Variants in KCNK16 observed in about 807,000 individuals in gnomAD.
KCNK16 encodes the protein potassium channel subfamily K member 16.
In KCNK16, 23 loss-of-function variants were observed where a neutral mutation model predicts 23.0. The observed-to-expected ratio is 1.00, with a 90% confidence interval of 0.72 to 1.41. KCNK16 has a LOEUF of 1.41. Among genes scored for constraint, KCNK16 ranks in the 40% most tolerant of loss-of-function variants. The probability of loss-of-function intolerance (pLI) is 0.00; values close to 1 mark genes in which losing one functional copy is unlikely to be tolerated. For synonymous variants in KCNK16, 145 were observed against 153.5 expected (o/e 0.94, Z 0.41); for missense variants, 327 against 365.8 (o/e 0.89, Z 0.87).
At chr6:39,321,853 C>G (rs537597706) in intron 1 of KCNK16, among the ~76,000 whole-genome samples, 1 of 152,348 alleles carries the variant, frequency 6.6e-6, no homozygotes, top group East Asian at 1.9e-4. Context: ...TGGCATTTAT[C>G]TGTGTCTCCC....
Position 39,322,546 on chromosome 6 carries a change from G to A in KCNK16, c.-6C>T, listed in dbSNP as rs758317121. On this transcript the variant is annotated 5_prime_UTR_variant, in exon 1 of 5. Transcript: ENST00000437525. ...CAGAGCCCAGCACTGGGCATGCTGT[G>A]GCCAGGACCCTGCCAGGGCCGTGGG... 5 of 1,588,140 alleles carry A rather than the reference G, an allele frequency of 3.1e-6. No homozygotes were observed. The South Asian group carries it at 5.6e-5, about 18-fold the overall frequency.
chr6:39,318,243 C>T (rs1160141591), intron 2 of KCNK16, among the ~76,000 whole-genome samples: 1 of 152,144 alleles, frequency 6.6e-6, no homozygotes, highest in Admixed American at 6.5e-5. Flanking sequence ...ATGTAATTAT[C>T]GACTTTGTTT....
Position 39,317,785 on chromosome 6 carries a change from C to G in KCNK16, c.495+1G>C. On this transcript the variant is annotated splice_donor_variant, in intron 3 of 4. Transcript: ENST00000437525. LOFTEE classifies it high-confidence loss of function. ...GCCTGTAAGGGAGTTAGGGGGCATA[C>G]CTGGGAGCGCCTGGGACGGTCCTCC... The G allele has an allele frequency of 1.3e-6, 2 of 1,585,790 alleles. No homozygotes were observed. Among genetic ancestry groups the G allele is most frequent in the Non-Finnish European group, 8.6e-7 (1 of 1,166,096 alleles).
Position 39,317,780 on chromosome 6 carries a change from G to T in KCNK16, c.495+6C>A. The T allele has an allele frequency of 6.3e-7, 1 of 1,579,638 alleles. No homozygotes were observed. The highest frequency in any genetic ancestry group is 1.2e-5 in the South Asian group (1 of 85,918). The stretch of plus-strand genomic sequence containing the variant: ...AGCAGGCCTGTAAGGGAGTTAGGGG[G>T]CATACCTGGGAGCGCCTGGGACGGT... On this transcript the variant is annotated splice_donor_region_variant and intron_variant, in intron 3 of 4. Coordinates refer to ENST00000437525, the MANE Select transcript of KCNK16 (RefSeq NM_001135106.2).
intron 3 of KCNK16, 132 bp from the exon 4 acceptor site, chr6:39,317,079 T>C (rs544673830): frequency 4.6e-6 from 4 of 877,784 alleles, no homozygotes; most frequent in Non-Finnish European, 6.8e-6. Flanking sequence ...CTGCAGACCC[T>C]CGAGGTGGAG....
chr6:39,314,938 C>G (rs1242042684), downstream of KCNK16: 10 of 1,470,178 alleles, frequency 6.8e-6, no homozygotes, highest in South Asian at 1.1e-4. Context: ...TCTGAGAAGG[C>G]CCCCGAAATC....
chr6:39,315,540 G>T, downstream of KCNK16: 1 of 972,010 alleles, frequency 1.0e-6, no homozygotes, highest in Non-Finnish European at 1.5e-6. Context: ...GAGCTGGCGA[G>T]CTTTGAGAGG....
chr6:39,322,373 C>T lies in KCNK16; in HGVS notation c.168G>A (p.Glu56=). Residue 56 remains glutamate (E), a synonymous_variant, in exon 1 of 5, where the codon GAG becomes GAA. Coordinates refer to ENST00000437525, the MANE Select transcript of KCNK16 (RefSeq NM_001135106.2). Reference sequence around the variant, plus strand: ...CCCACTGGTCCAGGCAGGTGTAGTTCTCCAGGAAGCGCAGCTTCTCCAACT... The same window carrying T: ...CCCACTGGTCCAGGCAGGTGTAGTTTTCCAGGAAGCGCAGCTTCTCCAACT... ...QFQLEKLRFL[E]NYTCLDQWAM... 1 of 1,614,214 alleles carries T rather than the reference C, an allele frequency of 6.2e-7. No individual in the cohort carries two copies. Among genetic ancestry groups the T allele is most frequent in the East Asian group, 2.2e-5 (1 of 44,874 alleles).
intron 1 of KCNK16, among the ~76,000 whole-genome samples, chr6:39,321,895 G>T (rs964202096): frequency 5.9e-5 from 9 of 152,222 alleles, no homozygotes; most frequent in Non-Finnish European, 1.2e-4. Context: ...GATATGAGCT[G>T]GGAGAGGGCA....
chr6:39,322,547 G>C lies in KCNK16; in HGVS notation c.-7C>G. On this transcript the variant is annotated 5_prime_UTR_variant, in exon 1 of 5. Coordinates refer to ENST00000437525, the MANE Select transcript of KCNK16 (RefSeq NM_001135106.2). Reference sequence around the variant, plus strand: ...AGAGCCCAGCACTGGGCATGCTGTGGCCAGGACCCTGCCAGGGCCGTGGGG... The same window carrying C: ...AGAGCCCAGCACTGGGCATGCTGTGCCCAGGACCCTGCCAGGGCCGTGGGG... The C allele has an allele frequency of 1.9e-6, 3 of 1,587,586 alleles. No individual in the cohort carries two copies. The highest frequency in any genetic ancestry group is 2.6e-6 in the Non-Finnish European group (3 of 1,170,630).
downstream of KCNK16, chr6:39,315,209 C>G: frequency 6.2e-7 from 1 of 1,614,068 alleles, no homozygotes; most frequent in Admixed American, 1.7e-5. Flanking sequence ...TTTCCAGGCC[C>G]CGGGATGGAG....
rs979801168 is a variant in KCNK16 at position 39,319,746 on chromosome 6, A to T, written c.214-613T>A. Among the ~76,000 whole-genome samples the T allele has an allele frequency of 1.3e-5, 2 of 148,374 alleles. No individual in the cohort carries two copies. The highest frequency in any genetic ancestry group is 2.5e-5 in the African/African-American group (1 of 40,498). On this transcript the variant is annotated intron_variant, in intron 1 of 4. Coordinates refer to ENST00000437525, the MANE Select transcript of KCNK16 (RefSeq NM_001135106.2). The surrounding 1 kb of genome is among the most constrained non-coding windows in gnomAD (Gnocchi z 4.2). ...GGCCAAGACAAAGGTGGCACGTGTG[A>T]GTGTGTGTGTGTGTGTGTGTGTGTG...
intron 2 of KCNK16, among the ~76,000 whole-genome samples, chr6:39,318,372 C>T (rs1762402804): frequency 6.6e-6 from 1 of 152,168 alleles, no homozygotes; most frequent in Non-Finnish European, 1.5e-5. Flanking sequence ...CATCACTCTG[C>T]CTGGAATGTC....
chr6:39,319,194 T>C lies in KCNK16; in HGVS notation c.214-61A>G, dbSNP rs186215464. ...GCTGATGGTTACTGGGCACCAGTTGTTGCCATGCTTTTGGCAGCATGCTTT... is the reference window on the plus strand; with the variant it reads ...GCTGATGGTTACTGGGCACCAGTTGCTGCCATGCTTTTGGCAGCATGCTTT... On this transcript the variant is annotated intron_variant, in intron 1 of 4. Coordinates refer to ENST00000437525, the MANE Select transcript of KCNK16 (RefSeq NM_001135106.2). The surrounding 1 kb of genome is among the most constrained non-coding windows in gnomAD (Gnocchi z 4.2). The C allele has an allele frequency of 4.0e-4, 367 of 925,392 alleles. No homozygotes were observed. The highest frequency in any genetic ancestry group is 6.2e-4 in the Non-Finnish European group (345 of 557,020). 57.3% of individuals were successfully genotyped at this position (925,392 alleles called of 1,614,324 possible).
At chr6:39,315,391 A>C (rs1762269246), downstream of KCNK16, 2 of 1,551,456 alleles carry the variant, frequency 1.3e-6, no homozygotes, top group South Asian at 1.2e-5. Context: ...GCTCTTGAGA[A>C]GGCAGGAGCC....
Position 39,322,503 on chromosome 6 carries a change from C to T in KCNK16, c.38G>A (p.Arg13Gln), listed in dbSNP as rs959244804. 37 of 1,610,838 alleles carry T rather than the reference C, an allele frequency of 2.3e-5. No homozygotes were observed. The highest frequency in any genetic ancestry group is 2.0e-4 in the Admixed American group (12 of 59,788). The part of the protein sequence containing the change: ...SAGLCSCWGG[R>Q]VLPLLLAYVC... ...ATAGGCCAGCAGCAGGGGCAGCACC[C>T]GGCCACCCCAGCAGCTGCAGAGCCC... Residue 13 changes from arginine to glutamine, a missense_variant, in exon 1 of 5, where the codon CGG becomes CAG. Transcript: ENST00000437525.
chr6:39,315,313 G>A (rs111692103), downstream of KCNK16: 257 of 1,554,694 alleles, frequency 1.7e-4, 1 homozygote, highest in African/African-American at 3.0e-3. Flanking sequence ...AGACGTTCAT[G>A]GAGCTCACTT....
rs1762550858 is a variant in KCNK16 at position 39,322,497 on chromosome 6, A to G, written c.44T>C (p.Leu15Pro). The G allele has an allele frequency of 1.9e-6, 3 of 1,612,062 alleles. No individual in the cohort carries two copies. The African/African-American group carries it at 4.0e-5, about 22-fold the overall frequency. The change falls in exon 1 of 5, where the codon CTG becomes CCG. Residue 15 changes from leucine to proline, a missense_variant. Coordinates refer to ENST00000437525, the MANE Select transcript of KCNK16 (RefSeq NM_001135106.2). ...GLCSCWGGRV[L>P]PLLLAYVCYL... ...GCAGACATAGGCCAGCAGCAGGGGC[A>G]GCACCCGGCCACCCCAGCAGCTGCA...
chr6:39,319,018 C>A lies in KCNK16; in HGVS notation c.328+1G>T. 6.2e-7 allele frequency: 1 copy of A among 1,606,598 alleles called. No individual in the cohort carries two copies. The highest frequency in any genetic ancestry group is 1.1e-5 in the South Asian group (1 of 90,954). ...AGCTCTTCTCTACCCCAGCCCTTTA[C>A]CTATGGTAGTGACGACTGTGCCTGC... On this transcript the variant is annotated splice_donor_variant, in intron 2 of 4. Coordinates refer to ENST00000437525, the MANE Select transcript of KCNK16 (RefSeq NM_001135106.2). LOFTEE classifies it high-confidence loss of function. This position sits in a 1 kb window ranked among gnomAD's most constrained non-coding sequence, Gnocchi z 4.2.
Sources: allele counts gnomAD v4.1 joint callset (sites outside exome capture counted in the v4.1 genomes callset), GRCh38; gene constraint gnomAD v4.1.1; non-coding constraint Gnocchi (gnomAD v3.1); transcripts MANE v1.5; gene names NCBI Gene and HGNC (gene_info 2026-07-23, HGNC 2026-07-21).